Variants in RNLS observed in about 807,000 individuals in gnomAD.
RNLS encodes renalase, FAD dependent amine oxidase, also known as renalase.
A neutral mutation model predicts 39.8 loss-of-function variants in RNLS; 39 were observed. The observed-to-expected ratio is 0.98, with a 90% CI of 0.76 to 1.28. The LOEUF is 1.28. Ranked by LOEUF, RNLS falls within the 50% of genes most tolerant of loss-of-function variation. The pLI is 0.00. For synonymous variants in RNLS, 147 were observed against 150.7 expected (o/e 0.98, Z 0.18); for missense variants, 410 against 413.3 (o/e 0.99, Z 0.07).
At chr10:88,519,968 T>C (rs2134191649) in intron 4 of RNLS, among the ~76,000 whole-genome samples, 1 of 152,048 alleles carries the variant, frequency 6.6e-6, no homozygotes, top group South Asian at 2.1e-4. Flanking sequence ...TACCACAATC[T>C]CCTGTTGCAT....
chr10:88,207,857 T>C, the RNLS span, among the ~76,000 whole-genome samples: 2 of 152,168 alleles, frequency 1.3e-5, no homozygotes, highest in African/African-American at 4.8e-5. Context: ...TGTGCTGATC[T>C]AGACAACAAT....
At chr10:88,548,647 C>CAT (rs146359996) in intron 4 of RNLS, among the ~76,000 whole-genome samples, 62,669 of 144,498 alleles carry the variant, frequency 0.43, 14,434 homozygotes, top group African/African-American at 0.6. Context: ...TCAAAATATA[C>CAT]ATATATATAT....
intron 4 of RNLS, among the ~76,000 whole-genome samples, chr10:88,467,740 C>T (rs1027446342): frequency 6.6e-6 from 1 of 152,108 alleles, no homozygotes; most frequent in African/African-American, 2.4e-5. Context: ...GACTTAAGAG[C>T]TCCCTAGTGG....
At chr10:88,313,110 T>C (rs1845506755) in intron 6 of RNLS, among the ~76,000 whole-genome samples, 1 of 152,232 alleles carries the variant, frequency 6.6e-6, no homozygotes, top group African/African-American at 2.4e-5. Flanking sequence ...TTATTAAATT[T>C]TGTGATATTG....
the RNLS span, among the ~76,000 whole-genome samples, chr10:88,186,160 C>T: frequency 6.6e-6 from 1 of 152,116 alleles, no homozygotes. Flanking sequence ...AGTCTTGAAA[C>T]AAACCCAATG....
chr10:88,241,802 A>G, the RNLS span, among the ~76,000 whole-genome samples: 1 of 152,134 alleles, frequency 6.6e-6, no homozygotes, highest in Non-Finnish European at 1.5e-5. Context: ...AGGCCCCAAA[A>G]TGTCAGCCCA....
chr10:88,385,262 A>G (rs1231887801), intron 4 of RNLS, among the ~76,000 whole-genome samples: 1 of 152,194 alleles, frequency 6.6e-6, no homozygotes, highest in Non-Finnish European at 1.5e-5. Context: ...GGATAAAAAG[A>G]CTCTGAAAGT....
At chr10:88,463,316 T>C (rs529959423) in intron 4 of RNLS, among the ~76,000 whole-genome samples, 1 of 152,160 alleles carries the variant, frequency 6.6e-6, no homozygotes, top group East Asian at 1.9e-4. Flanking sequence ...GCAGAAGTTA[T>C]AGTCATTCTT....
At chr10:88,462,827 GA>G (rs35653600) in intron 4 of RNLS, among the ~76,000 whole-genome samples, 5 of 149,634 alleles carry the variant, frequency 3.3e-5, no homozygotes, top group South Asian at 2.1e-4. Context: ...TCCTGCTAAG[GA>G]AAAAAAAATA....
intron 4 of RNLS, among the ~76,000 whole-genome samples, chr10:88,560,300 C>T (rs1196461611): frequency 6.6e-6 from 1 of 152,104 alleles, no homozygotes; most frequent in African/African-American, 2.4e-5. Flanking sequence ...CCCAATTACT[C>T]TTGCTTTCTG....
the RNLS span, among the ~76,000 whole-genome samples, chr10:88,268,408 A>G: frequency 6.6e-6 from 1 of 152,154 alleles, no homozygotes; most frequent in Non-Finnish European, 1.5e-5. Context: ...TTGGTGAAAA[A>G]CAAATGAACA....
At chr10:88,427,351 T>C (rs1433300965) in intron 4 of RNLS, among the ~76,000 whole-genome samples, 1 of 152,046 alleles carries the variant, frequency 6.6e-6, no homozygotes, top group Admixed American at 6.6e-5. Flanking sequence ...TGGCTCTTTA[T>C]GGCATTTCAG....
intron 4 of RNLS, among the ~76,000 whole-genome samples, chr10:88,551,460 A>AC (rs1381021654): frequency 3.3e-5 from 5 of 152,212 alleles, no homozygotes; most frequent in Non-Finnish European, 4.4e-5. Context: ...TAATAGTCAC[A>AC]CTTATTTATG....
chr10:88,561,405 G>A (rs1434185982), intron 4 of RNLS, among the ~76,000 whole-genome samples: 1 of 151,970 alleles, frequency 6.6e-6, no homozygotes, highest in East Asian at 1.9e-4. Context: ...AAGTATATAT[G>A]GAATTTAACA....
At chr10:88,537,159 A>G (rs1847803829) in intron 4 of RNLS, among the ~76,000 whole-genome samples, 1 of 152,212 alleles carries the variant, frequency 6.6e-6, no homozygotes, top group Non-Finnish European at 1.5e-5. Flanking sequence ...ATGTCTAGTA[A>G]AAAGCAAACC....
intron 4 of RNLS, among the ~76,000 whole-genome samples, chr10:88,571,936 C>T (rs917596342): frequency 1.3e-5 from 2 of 152,164 alleles, no homozygotes; most frequent in African/African-American, 4.8e-5. Flanking sequence ...CAAATTCTAC[C>T]ACTGCCATCC....
At chr10:88,530,453 T>A (rs1847354166) in intron 4 of RNLS, among the ~76,000 whole-genome samples, 1 of 152,224 alleles carries the variant, frequency 6.6e-6, no homozygotes, top group Admixed American at 6.5e-5. Context: ...TTTCATGTTT[T>A]TTCCTCTGTC....
chr10:88,262,818 C>A, the RNLS span, among the ~76,000 whole-genome samples: 1 of 152,114 alleles, frequency 6.6e-6, no homozygotes, highest in South Asian at 2.1e-4. Context: ...GGATTCTGGT[C>A]AAAGTATGTG....
chr10:88,357,508 A>G (rs1013457022), intron 5 of RNLS, among the ~76,000 whole-genome samples: 1 of 152,222 alleles, frequency 6.6e-6, no homozygotes, highest in African/African-American at 2.4e-5. Context: ...GGTGGCAACT[A>G]CTTATTGAAT....
Sources: allele counts gnomAD v4.1 joint callset (sites outside exome capture counted in the v4.1 genomes callset), GRCh38; gene constraint gnomAD v4.1.1; transcripts MANE v1.5; gene names NCBI Gene and HGNC (gene_info 2026-07-23, HGNC 2026-07-21).